DRC9: variants seen among roughly 807,000 people sequenced by gnomAD.
DRC9 encodes dynein regulatory complex subunit 9.
chr3:197,932,395 G>A, the DRC9 span: 3 of 957,306 alleles, frequency 3.1e-6, no homozygotes, highest in South Asian at 4.4e-5. Flanking sequence ...AGCACTTTGG[G>A]AGGCTGAGGC....
the DRC9 span, chr3:197,956,746 C>A: frequency 2.6e-5 from 4 of 151,806 alleles, no homozygotes; most frequent in East Asian, 7.7e-4. Context: ...CCTCCTGCCT[C>A]AGCCTCCTAA....
At chr3:197,950,000 A>G in the DRC9 span, 4 of 633,592 alleles carry the variant, frequency 6.3e-6, no homozygotes, top group Non-Finnish European at 9.1e-6. Context: ...GTTCCCAAGT[A>G]GTACATTTTG....
the DRC9 span, chr3:197,889,495 T>C: frequency 6.8e-7 from 1 of 1,478,124 alleles, no homozygotes; most frequent in Admixed American, 1.7e-5. Context: ...AGATGAGTCA[T>C]CTTTGAGGTA....
chr3:197,927,410 G>A, the DRC9 span, among the ~76,000 whole-genome samples: 1 of 152,146 alleles, frequency 6.6e-6, no homozygotes. Context: ...ATTTTTAGTA[G>A]AGATGGGTTT....
At chr3:197,913,325 T>TGTGCGTGCGTGCGTGCGTGC in the DRC9 span, 54 of 190,902 alleles carry the variant, frequency 2.8e-4, no homozygotes, top group African/African-American at 1.0e-3. Context: ...GCTTTGCGTG[T>TGTGCGTGCGTGCGTGCGTGC]GTGCGTGCGT....
At chr3:197,945,558 A>T in the DRC9 span, 12 of 1,133,404 alleles carry the variant, frequency 1.1e-5, no homozygotes, top group Non-Finnish European at 1.4e-5. Context: ...TATACACAGA[A>T]ATTTAACAGA....
At chr3:197,943,669 G>C in the DRC9 span, 1 of 876,474 alleles carries the variant, frequency 1.1e-6, no homozygotes. Context: ...AAGAAGGAAA[G>C]AGAGAGAGAG....
At chr3:197,892,383 G>C in the DRC9 span, among the ~76,000 whole-genome samples, 3 of 152,236 alleles carry the variant, frequency 2.0e-5, no homozygotes, top group African/African-American at 7.2e-5. Context: ...AGCTACTGCA[G>C]CTGTCCCCGT....
At chr3:197,904,031 T>TAC in the DRC9 span, among the ~76,000 whole-genome samples, 94 of 72,332 alleles carry the variant, frequency 1.3e-3, no homozygotes, top group Non-Finnish European at 1.8e-3. Flanking sequence ...TACATATATA[T>TAC]ATACATACAT....
the DRC9 span, among the ~76,000 whole-genome samples, chr3:197,895,974 C>CAAAGAAAA: frequency 1.7e-5 from 1 of 58,988 alleles, no homozygotes; most frequent in African/African-American, 6.3e-5. Context: ...GACCCTGTCT[C>CAAAGAAAA]AAAAAAAAAA....
At chr3:197,889,370 G>T in the DRC9 span, 1 of 599,652 alleles carries the variant, frequency 1.7e-6, no homozygotes, top group Non-Finnish European at 3.0e-6. Context: ...GAAGCCCTAA[G>T]TCAATGGTGT....
the DRC9 span, chr3:197,951,772 C>T: frequency 0.02 from 3,564 of 175,662 alleles, 61 homozygotes; most frequent in Non-Finnish European, 0.031. Flanking sequence ...GATCTTGGCT[C>T]GCTGCAGCCT....
chr3:197,894,360 A>C, the DRC9 span: 1 of 152,220 alleles, frequency 6.6e-6, no homozygotes, highest in South Asian at 2.1e-4. Flanking sequence ...ATATAAAGTG[A>C]ATGACTTCAA....
chr3:197,914,069 A>G, the DRC9 span: 1 of 1,599,028 alleles, frequency 6.3e-7, no homozygotes, highest in Non-Finnish European at 8.6e-7. Flanking sequence ...AGGTTTCTAA[A>G]TTGAAAATAC....
At chr3:197,946,337 A>G in the DRC9 span, among the ~76,000 whole-genome samples, 2 of 147,782 alleles carry the variant, frequency 1.4e-5, no homozygotes, top group African/African-American at 5.1e-5. Flanking sequence ...CGGGAGGCTG[A>G]GGCAGGAGAA....
At chr3:197,928,467 G>A in the DRC9 span, among the ~76,000 whole-genome samples, 1 of 151,408 alleles carries the variant, frequency 6.6e-6, no homozygotes, top group Non-Finnish European at 1.5e-5. Flanking sequence ...TCCTGCCTCA[G>A]CTTCCTGAGT....
At chr3:197,892,417 A>G in the DRC9 span, among the ~76,000 whole-genome samples, 2 of 152,184 alleles carry the variant, frequency 1.3e-5, no homozygotes, top group Non-Finnish European at 1.5e-5. Flanking sequence ...ATCTAAAAAG[A>G]ATCCTGGTGG....
the DRC9 span, chr3:197,889,246 A>G: frequency 3.8e-6 from 1 of 260,440 alleles, no homozygotes; most frequent in Non-Finnish European, 7.4e-6. Flanking sequence ...GAATTACTCA[A>G]GTTTCAATGC....
At chr3:197,912,746 G>A in the DRC9 span, 1 of 1,613,268 alleles carries the variant, frequency 6.2e-7, no homozygotes, top group Non-Finnish European at 8.5e-7. Context: ...TTCATCCTGA[G>A]TTTCTGTAAG....
Sources: gnomAD v4.1 joint callset for allele counts (sites outside exome capture counted in the v4.1 genomes callset) on GRCh38, gnomAD v4.1.1 for gene constraint, MANE v1.5 for transcripts, NCBI Gene and HGNC (gene_info 2026-07-23, HGNC 2026-07-21) for gene names.